Variants in MAF observed in about 807,000 individuals in gnomAD.
MAF encodes the protein transcription factor Maf.
In MAF, 10 loss-of-function variants were observed where a neutral mutation model predicts 22.0. The observed-to-expected ratio is 0.45, with a 90% CI of 0.28 to 0.77. The LOEUF is 0.77. Ranked by LOEUF, MAF falls within the 30% of genes least tolerant of loss-of-function variation. The pLI, the probability that MAF is intolerant of heterozygous loss-of-function variation, is 0.12. For missense variants in MAF, 544 were observed against 548.4 expected, an observed-to-expected ratio of 0.99 and a Z score of 0.08; for synonymous variants, 337 against 255.8, an observed-to-expected ratio of 1.32 and a Z score of -3.03.
chr16:79,334,855 G>GTGTA, the MAF span, among the ~76,000 whole-genome samples: 1 of 98,374 alleles, frequency 1.0e-5, no homozygotes, highest in South Asian at 4.3e-4. Flanking sequence ...GTGTGTGTGT[G>GTGTA]TGTGTGTATG....
the MAF span, among the ~76,000 whole-genome samples, chr16:79,570,080 T>G: frequency 2.0e-5 from 3 of 151,314 alleles, no homozygotes; most frequent in South Asian, 6.3e-4. Flanking sequence ...GTTTGGAAGC[T>G]ATTTATTTAG....
chr16:79,235,131 G>A, the MAF span, among the ~76,000 whole-genome samples: 1 of 152,038 alleles, frequency 6.6e-6, no homozygotes, highest in East Asian at 1.9e-4. Context: ...GGGGTGGTTT[G>A]TTATGCAGCC....
chr16:79,409,596 C>T, the MAF span, among the ~76,000 whole-genome samples: 1 of 152,192 alleles, frequency 6.6e-6, no homozygotes, highest in Admixed American at 6.5e-5. Context: ...TTGATTTACA[C>T]GGAGTAGTAA....
chr16:79,559,327 G>A, the MAF span, among the ~76,000 whole-genome samples: 563 of 152,266 alleles, frequency 3.7e-3, 2 homozygotes, highest in African/African-American at 0.013. Context: ...TTGCAAGAAC[G>A]AAAAGGCCCC....
the MAF span, among the ~76,000 whole-genome samples, chr16:79,396,482 A>G: frequency 5.3e-5 from 8 of 152,224 alleles, no homozygotes; most frequent in East Asian, 1.5e-3. Context: ...ACTCTTCTGG[A>G]AAAAGCCTCC....
chr16:79,498,587 C>A, the MAF span, among the ~76,000 whole-genome samples: 2 of 152,144 alleles, frequency 1.3e-5, no homozygotes, highest in Non-Finnish European at 2.9e-5. Context: ...GTTTACAACT[C>A]ACACCAGCTC....
At chr16:79,287,841 C>T in the MAF span, among the ~76,000 whole-genome samples, 5 of 152,122 alleles carry the variant, frequency 3.3e-5, no homozygotes, top group African/African-American at 1.2e-4. Context: ...GGGAGAACCT[C>T]CTATGGGTTA....
the MAF span, among the ~76,000 whole-genome samples, chr16:79,251,123 C>T: frequency 2.6e-5 from 4 of 152,094 alleles, no homozygotes; most frequent in South Asian, 2.1e-4. Context: ...AGGTTAAGTG[C>T]TTATTTCAAA....
chr16:79,221,037 C>A, the MAF span, among the ~76,000 whole-genome samples: 1 of 152,182 alleles, frequency 6.6e-6, no homozygotes, highest in Non-Finnish European at 1.5e-5. Flanking sequence ...CAGAAAGAAA[C>A]AAGCTAAACT....
chr16:79,459,410 G>GT, the MAF span, among the ~76,000 whole-genome samples: 1 of 152,006 alleles, frequency 6.6e-6, no homozygotes, highest in Non-Finnish European at 1.5e-5. Context: ...TGGGAGAGTC[G>GT]TATTATGTAC....
chr16:79,355,078 TC>T, the MAF span, among the ~76,000 whole-genome samples: 1 of 152,120 alleles, frequency 6.6e-6, no homozygotes, highest in Non-Finnish European at 1.5e-5. Context: ...GATTAGTTTT[TC>T]CCCCTCATCT....
At chr16:79,510,481 G>A in the MAF span, among the ~76,000 whole-genome samples, 2 of 152,216 alleles carry the variant, frequency 1.3e-5, no homozygotes, top group Non-Finnish European at 2.9e-5. Context: ...TTCTGGGATG[G>A]AGACACAGTT....
At chr16:79,566,521 C>A in the MAF span, among the ~76,000 whole-genome samples, 1 of 152,216 alleles carries the variant, frequency 6.6e-6, no homozygotes, top group African/African-American at 2.4e-5. Flanking sequence ...CTAACCAAAC[C>A]AACCATCTCT....
chr16:79,395,329 G>A, the MAF span, among the ~76,000 whole-genome samples: 2 of 152,336 alleles, frequency 1.3e-5, no homozygotes, highest in Non-Finnish European at 2.9e-5. Context: ...CACAGTGAGG[G>A]AGCATAGGTT....
At chr16:79,350,831 G>C in the MAF span, among the ~76,000 whole-genome samples, 429 of 152,076 alleles carry the variant, frequency 2.8e-3, 2 homozygotes, top group African/African-American at 9.8e-3. Context: ...TGTCAGAGTT[G>C]TGTGGTACAG....
the MAF span, among the ~76,000 whole-genome samples, chr16:79,307,236 G>C: frequency 2.6e-5 from 4 of 152,324 alleles, no homozygotes; most frequent in Non-Finnish European, 4.4e-5. Context: ...CTGACCACAG[G>C]GCCTGCCTAT....
chr16:79,364,770 G>A, the MAF span, among the ~76,000 whole-genome samples: 6 of 152,180 alleles, frequency 3.9e-5, no homozygotes, highest in African/African-American at 1.4e-4. Flanking sequence ...ATGCCTGTGG[G>A]ATCTTCCCGT....
chr16:79,510,823 A>C, the MAF span, among the ~76,000 whole-genome samples: 102 of 152,210 alleles, frequency 6.7e-4, no homozygotes, highest in Middle Eastern at 3.2e-3. Context: ...TTCTGCATGC[A>C]GGCCCTGAAG....
At chr16:79,493,209 G>A in the MAF span, among the ~76,000 whole-genome samples, 33 of 151,618 alleles carry the variant, frequency 2.2e-4, no homozygotes, top group African/African-American at 6.3e-4. Flanking sequence ...TTGAGACGGA[G>A]TCTCACTCTG....
Sources: gnomAD v4.1 joint callset for allele counts (sites outside exome capture counted in the v4.1 genomes callset) on GRCh38, gnomAD v4.1.1 for gene constraint, MANE v1.5 for transcripts, NCBI Gene and HGNC (gene_info 2026-07-23, HGNC 2026-07-21) for gene names.